The following FAM83H variants were observed in gnomAD, a reference collection of about 807,000 sequenced individuals.
FAM83H encodes the protein protein FAM83H.
In FAM83H, 24 loss-of-function variants were observed where a neutral mutation model predicts 30.2. The observed-to-expected ratio is 0.79, with a 90% CI of 0.57 to 1.12. FAM83H has a LOEUF of 1.12. Ranked by LOEUF, FAM83H falls within the 50% of genes most tolerant of loss-of-function variation. The probability of loss-of-function intolerance (pLI) is 0.00; values close to 1 mark genes in which losing one functional copy is unlikely to be tolerated. For synonymous variants in FAM83H, 1,013 were observed against 821.7 expected (o/e 1.23, Z -3.98); for missense variants, 2,038 against 1,773.9 (o/e 1.15, Z -2.67).
In FAM83H at chr8:143,728,241, A is replaced by C. The variant is rs782535275; in HGVS notation, c.1220T>G (p.Phe407Cys). The C allele has an allele frequency of 6.3e-7, 1 of 1,580,042 alleles. No homozygotes were observed. The highest frequency in any genetic ancestry group is 8.6e-7 in the Non-Finnish European group (1 of 1,169,340). ...CTCGGTCGCGAAGCTGTGCCGCTTG[A>C]AGGCGTCCATCTCCAGGTGCCGCGC... Reference protein sequence around the residue: ...FQARHLEMDAFKRHSFATEGA... With the variant: ...FQARHLEMDACKRHSFATEGA... The change falls in exon 5 of 5, where the codon TTC (phenylalanine) becomes TGC (cysteine). Residue 407 changes from phenylalanine to cysteine, a missense_variant. Coordinates refer to ENST00000388913, the MANE Select transcript of FAM83H (RefSeq NM_198488.5).
At chr8:143,731,354 A>T in intron 1 of FAM83H, 1 of 985,248 alleles carries the variant, frequency 1.0e-6, no homozygotes, top group Non-Finnish European at 1.2e-6. Context: ...AACACAGCTG[A>T]GGGTCCACAT....
rs781878264 is a variant in FAM83H at position 143,726,573 on chromosome 8, C to A, written c.2888G>T (p.Arg963Leu). The A allele has an allele frequency of 6.2e-7, 1 of 1,603,316 alleles. No individual in the cohort carries two copies. The highest frequency in any genetic ancestry group is 2.2e-5 in the East Asian group (1 of 44,824). ...CTGCCTAAGACGCAAGGAGCCTTTGCGCAGGACTTCCATGGGGCCGCTCGG... is the reference window on the plus strand; with the variant it reads ...CTGCCTAAGACGCAAGGAGCCTTTGAGCAGGACTTCCATGGGGCCGCTCGG... ...EGPSGPMEVL[R>L]KGSLRLRQLL... The change falls in exon 5 of 5, where the codon CGC becomes CTC. Residue 963 changes from arginine (R) to leucine (L), a missense_variant. By Grantham distance (102) the Arg-to-Leu change is moderately radical. Coordinates refer to ENST00000388913, the MANE Select transcript of FAM83H (RefSeq NM_198488.5).
rs1398871819 is a variant in FAM83H at position 143,725,732 on chromosome 8, G to A, written c.*189C>T. The A allele has an allele frequency of 1.3e-5, 13 of 965,238 alleles. No individual in the cohort carries two copies. The highest frequency in any genetic ancestry group is 2.0e-5 in the Non-Finnish European group (13 of 664,030). 59.8% of individuals were successfully genotyped at this position (965,238 alleles called of 1,614,324 possible). A position where few individuals can be genotyped will look rare whatever the true frequency, so the allele number is the denominator to read the frequency against. Reference sequence around the variant, plus strand: ...AGCCCCAGCGTTGGGGAGGCCAGGGGGCAGAGACGGCAGCTGCCAGGTGAG... The same window carrying A: ...AGCCCCAGCGTTGGGGAGGCCAGGGAGCAGAGACGGCAGCTGCCAGGTGAG... On this transcript the variant is annotated 3_prime_UTR_variant, in exon 5 of 5. Transcript: ENST00000388913.
rs1818269167 is a variant in FAM83H, at chr8:143,725,873, C to T, written c.*48G>A. On this transcript the variant is annotated 3_prime_UTR_variant, in exon 5 of 5. Coordinates refer to ENST00000388913, the MANE Select transcript of FAM83H (RefSeq NM_198488.5). ...CTGTTCCGCGGGGCTTCTGGATGAC[C>T]GGGGCAGCGATGCGGGCACCCTGGC... is the stretch of plus-strand genomic sequence containing the variant. The T allele has an allele frequency of 1.2e-5, 20 of 1,600,346 alleles. No individual in the cohort carries two copies. The highest frequency in any genetic ancestry group is 1.7e-5 in the Admixed American group (1 of 58,176).
At chr8:143,728,823 C>T in intron 4 of FAM83H, 100 bp from the exon 5 acceptor site, 1 of 1,596,250 alleles carries the variant, frequency 6.3e-7, no homozygotes, top group South Asian at 1.1e-5. Flanking sequence ...GATGTGAGGT[C>T]TGCAAGGACC....
Position 143,725,754 on chromosome 8 carries a change from T to G in FAM83H, c.*167A>C, listed in dbSNP as rs1818265120. 1 of 1,219,088 alleles carries G rather than the reference T, an allele frequency of 8.2e-7. No individual in the cohort carries two copies. Among genetic ancestry groups the G allele is most frequent in the Non-Finnish European group, 1.1e-6 (1 of 888,590 alleles). 75.5% of individuals were successfully genotyped at this position (1,219,088 alleles called of 1,614,324 possible). A position where few individuals can be genotyped will look rare whatever the true frequency, so the allele number is the denominator to read the frequency against. ...GGGGGCAGAGACGGCAGCTGCCAGGTGAGCCTCCAGTGGAGCCGAGGTCTG... is the reference window on the plus strand; with the variant it reads ...GGGGGCAGAGACGGCAGCTGCCAGGGGAGCCTCCAGTGGAGCCGAGGTCTG... On this transcript the variant is annotated 3_prime_UTR_variant, in exon 5 of 5. Transcript: ENST00000388913.
rs192090334 is a variant in FAM83H at position 143,729,317 on chromosome 8, C to T, written c.454G>A (p.Ala152Thr). The T allele has an allele frequency of 6.2e-7, 1 of 1,613,110 alleles. No homozygotes were observed. The highest frequency in any genetic ancestry group is 2.2e-5 in the East Asian group (1 of 44,880). Residue 152 changes from alanine (A) to threonine (T), a missense_variant, in exon 3 of 5, where the codon GCC (alanine) becomes ACC (threonine). Ala to Thr is a moderately conservative substitution (Grantham distance 58). Transcript: ENST00000388913. ...TCAGTGAACATGTCCATCACCACGGCCACCACCTGCAGGGGCGGGTCAGGA... is the reference window on the plus strand; with the variant it reads ...TCAGTGAACATGTCCATCACCACGGTCACCACCTGCAGGGGCGGGTCAGGA... ...RMIRSAQQVV[A>T]VVMDMFTDVD... is the part of the protein sequence containing the mutation.
At position 143,725,882 on chromosome 8, in the gene FAM83H, G is replaced by C; in HGVS notation, c.*39C>G. The C allele has an allele frequency of 6.2e-7, 1 of 1,607,194 alleles. No homozygotes were observed. The highest frequency in any genetic ancestry group is 8.5e-7 in the Non-Finnish European group (1 of 1,177,230). On this transcript the variant is annotated 3_prime_UTR_variant, in exon 5 of 5. Transcript: ENST00000388913. ...GGGGCTTCTGGATGACCGGGGCAGC[G>C]ATGCGGGCACCCTGGCCTGGGTTGC...
In FAM83H at chr8:143,726,005, T is replaced by C. The variant is rs1554621512; in HGVS notation, c.3456A>G (p.Glu1152=). 13 of 1,612,656 alleles carry C rather than the reference T, an allele frequency of 8.1e-6. No homozygotes were observed. The highest frequency in any genetic ancestry group is 9.3e-6 in the Non-Finnish European group (11 of 1,179,792). The change falls in exon 5 of 5, where the codon GAA becomes GAG. Residue 1152 remains glutamate, a synonymous_variant. Coordinates refer to ENST00000388913, the MANE Select transcript of FAM83H (RefSeq NM_198488.5). ...KEEASSPGAG[E]GPAEEGTRDS... The stretch of plus-strand genomic sequence containing the variant: ...CCCTGGTGCCCTCCTCCGCGGGGCC[T>C]TCCCCTGCCCCAGGGCTGCTGGCCT...
rs782377580 is a variant in FAM83H, at chr8:143,727,193, G to T, written c.2268C>A (p.Thr756=). 8.5e-6 allele frequency: 13 copies of T among 1,533,280 alleles called. No individual in the cohort carries two copies. The highest frequency in any genetic ancestry group is 2.0e-5 in the Admixed American group (1 of 50,866). 95.0% of individuals were successfully genotyped at this position (1,533,280 alleles called of 1,614,324 possible). The change falls in exon 5 of 5, where the codon ACC becomes ACA. Residue 756 remains threonine, a synonymous_variant. Coordinates refer to ENST00000388913, the MANE Select transcript of FAM83H (RefSeq NM_198488.5). ...CGACGGCCTTGCTGTGGCTGGCAAC[G>T]GTGATGGCGCCCGCGCCGCCGCCGG... ...RDPGGGAGAI[T]VASHSKAVVS...
At position 143,725,256 on chromosome 8, in the gene FAM83H, C is replaced by T. The variant is rs994334363; in HGVS notation, c.*665G>A. 6.7e-6 allele frequency: 1 copy of T among 149,094 alleles called. No individual in the cohort carries two copies. Among genetic ancestry groups the T allele is most frequent in the African/African-American group, 2.5e-5 (1 of 40,176 alleles). 9.2% of individuals were successfully genotyped at this position (149,094 alleles called of 1,614,324 possible). A position where few individuals can be genotyped will look rare whatever the true frequency, so the allele number is the denominator to read the frequency against. ...CAGGAGGCCCTGAGGAGGAGAAGGGCCCAGAGAATGAGGAATTGAGGCACA... is the reference window on the plus strand; with the variant it reads ...CAGGAGGCCCTGAGGAGGAGAAGGGTCCAGAGAATGAGGAATTGAGGCACA... On this transcript the variant is annotated 3_prime_UTR_variant, in exon 5 of 5. Coordinates refer to ENST00000388913, the MANE Select transcript of FAM83H (RefSeq NM_198488.5).
In FAM83H at chr8:143,726,757, C is replaced by T. The variant is rs781817049; in HGVS notation, c.2704G>A (p.Gly902Arg). ...SPTTGFIEQK[G>R]SPTSAYPERR... is the part of the protein sequence containing the mutation. The stretch of plus-strand genomic sequence containing the variant: ...TCGGGGTAGGCTGAGGTGGGGCTCC[C>T]CTTCTGCTCGATAAATCCTGTAGTT... The change falls in exon 5 of 5, where the codon GGG becomes AGG. Residue 902 changes from glycine to arginine, a missense_variant. Gly to Arg is a moderately radical substitution (Grantham distance 125, BLOSUM62 -2). Transcript: ENST00000388913. 1.2e-5 allele frequency: 19 copies of T among 1,611,962 alleles called. No individual in the cohort carries two copies. The highest frequency in any genetic ancestry group is 3.3e-5 in the South Asian group (3 of 91,032).
In FAM83H at chr8:143,730,207, C is replaced by T; in HGVS notation, c.376G>A (p.Val126Met). 1 of 1,612,486 alleles carries T rather than the reference C, an allele frequency of 6.2e-7. No homozygotes were observed. ...GGGCTGTCGGGGGGCGGTGGCTGCA[C>T]CAAGGTGGTCACCTCGGTGCCCTGG... ...GFQGTEVTTL[V>M]QPPPPDSPSI... The change falls in exon 2 of 5, where the codon GTG becomes ATG. Residue 126 changes from valine (V) to methionine (M), a missense_variant. Coordinates refer to ENST00000388913, the MANE Select transcript of FAM83H (RefSeq NM_198488.5).
rs1426949464 is a variant in FAM83H at position 143,728,389 on chromosome 8, C to CCTCCCGGCGGAA, written c.1060_1071dup (p.Phe354_Glu357dup). The CCTCCCGGCGGAA allele has an allele frequency of 5.8e-6, 9 of 1,546,418 alleles. No individual in the cohort carries two copies. The East Asian group carries it at 2.0e-4, about 34-fold the overall frequency. ...GCGCCCCCCGGCATCCGCGGCGGCT[C>CCTCCCGGCGGAA]CTCCCGGCGGAAGGCCGACAGGAAG... On this transcript the variant is annotated inframe_insertion, in exon 5 of 5. Transcript: ENST00000388913.
In FAM83H at chr8:143,726,177, C is replaced by G. The variant is rs991541157; in HGVS notation, c.3284G>C (p.Arg1095Pro). 6.2e-7 allele frequency: 1 copy of G among 1,612,264 alleles called. No homozygotes were observed. The highest frequency in any genetic ancestry group is 1.7e-5 in the Admixed American group (1 of 59,962). Residue 1095 changes from arginine (R) to proline (P), a missense_variant, in exon 5 of 5, where the codon CGC (arginine) becomes CCC (proline). By Grantham distance (103) the Arg-to-Pro change is moderately radical. Coordinates refer to ENST00000388913, the MANE Select transcript of FAM83H (RefSeq NM_198488.5). ...SDKDKCSAIFRSDSLGTQGRL... is the reference protein window; with the variant it reads ...SDKDKCSAIFPSDSLGTQGRL... ...GCCCTGGGTCCCCAAGCTGTCCGAGCGGAAGATGGCTGAACACTTGTCCTT... is the reference window on the plus strand; with the variant it reads ...GCCCTGGGTCCCCAAGCTGTCCGAGGGGAAGATGGCTGAACACTTGTCCTT...
chr8:143,726,356 G>A lies in FAM83H; in HGVS notation c.3105C>T (p.Asn1035=), dbSNP rs1554621723. ...SATANALYSS[N]LRDDTKAILE... is the part of the protein sequence containing the mutation. ...GAATGGCCTTCGTGTCATCCCGAAG[G>A]TTGCTGCTGTACAAGGCGTTGGCCG... Residue 1035 remains asparagine (N), a synonymous_variant, in exon 5 of 5, where the codon AAC becomes AAT. Coordinates refer to ENST00000388913, the MANE Select transcript of FAM83H (RefSeq NM_198488.5). 1 of 1,611,750 alleles carries A rather than the reference G, an allele frequency of 6.2e-7. No individual in the cohort carries two copies. The highest frequency in any genetic ancestry group is 8.5e-7 in the Non-Finnish European group (1 of 1,179,668).
At position 143,727,126 on chromosome 8, in the gene FAM83H, C is replaced by T. The variant is rs1554622324; in HGVS notation, c.2335G>A (p.Val779Met). ...WREEVAAPGA[V>M]GGERRSLESC... ...TCGAGGCTGCGGCGCTCGCCCCCCACGGCACCTGGGGCCGCCACCTCTTCC... is the reference window on the plus strand; with the variant it reads ...TCGAGGCTGCGGCGCTCGCCCCCCATGGCACCTGGGGCCGCCACCTCTTCC... Residue 779 changes from valine (V) to methionine (M), a missense_variant, in exon 5 of 5, where the codon GTG becomes ATG. By Grantham distance (21) the Val-to-Met change is conservative. Transcript: ENST00000388913. The T allele has an allele frequency of 7.2e-6, 11 of 1,534,766 alleles. No individual in the cohort carries two copies. The Admixed American group carries it at 1.4e-4, about 19-fold the overall frequency.
rs1044729631 is a variant in FAM83H, at chr8:143,733,190, G to C, written c.-16+501C>G. The C allele has an allele frequency of 6.5e-6, 1 of 152,910 alleles. No homozygotes were observed. The highest frequency in any genetic ancestry group is 2.4e-5 in the African/African-American group (1 of 41,466). 9.5% of individuals were successfully genotyped at this position (152,910 alleles called of 1,614,324 possible). A position where few individuals can be genotyped will look rare whatever the true frequency, so the allele number is the denominator to read the frequency against. On this transcript the variant is annotated intron_variant, in intron 1 of 4. Coordinates refer to ENST00000388913, the MANE Select transcript of FAM83H (RefSeq NM_198488.5). This position sits in a 1 kb window ranked among gnomAD's most constrained non-coding sequence, Gnocchi z 5.6. ...ACCCTACGAGCTCGCGGCTGCGGCCGCTGGGTGCCCTATCCGCCCACCCCA... is the reference window on the plus strand; with the variant it reads ...ACCCTACGAGCTCGCGGCTGCGGCCCCTGGGTGCCCTATCCGCCCACCCCA...
rs1554623764 is a variant in FAM83H at position 143,729,245 on chromosome 8, G to C, written c.526C>G (p.Pro176Ala). The C allele has an allele frequency of 3.1e-6, 5 of 1,613,284 alleles. No homozygotes were observed. The highest frequency in any genetic ancestry group is 2.2e-5 in the East Asian group (1 of 44,846). Residue 176 changes from proline to alanine, a missense_variant, in exon 3 of 5, where the codon CCA becomes GCA. Pro to Ala is a conservative substitution (Grantham distance 27, BLOSUM62 -1). Coordinates refer to ENST00000388913, the MANE Select transcript of FAM83H (RefSeq NM_198488.5). Reference sequence around the variant, plus strand: ...ATCTCATCCAGCAGGATGTAGACTGGGACCCGACGGGCCGCGGCCTCCAGC... The same window carrying C: ...ATCTCATCCAGCAGGATGTAGACTGCGACCCGACGGGCCGCGGCCTCCAGC... ...EVLEAAARRV[P>A]VYILLDEMNA...
Sources: gnomAD v4.1 joint callset for allele counts on GRCh38, gnomAD v4.1.1 for gene constraint, Gnocchi (gnomAD v3.1) non-coding constraint, MANE v1.5 for transcripts, NCBI Gene and HGNC (gene_info 2026-07-23, HGNC 2026-07-21) for gene names.